LIN28B: variants seen among roughly 807,000 people sequenced by gnomAD.
LIN28B encodes protein lin-28 homolog B.
Under a neutral mutation model 21.9 loss-of-function variants are expected in LIN28B, and 5 were observed. The ratio of observed to expected loss-of-function variants is 0.23; its 90% CI spans 0.12 to 0.48. The LOEUF is 0.48. Among genes scored for constraint, LIN28B ranks in the 20% least tolerant of loss-of-function variants. The probability of loss-of-function intolerance (pLI) is 0.98; values close to 1 mark genes in which losing one functional copy is unlikely to be tolerated. For missense variants in LIN28B, 245 were observed against 310.5 expected, an observed-to-expected ratio of 0.79 and a Z score of 1.58; for synonymous variants, 109 against 111.3, an observed-to-expected ratio of 0.98 and a Z score of 0.13.
intron 2 of LIN28B, among the ~76,000 whole-genome samples, chr6:104,944,483 T>A (rs1306170811): frequency 1.3e-5 from 2 of 152,102 alleles, no homozygotes; most frequent in South Asian, 2.1e-4. Context: ...AAGCTTAAAT[T>A]AGAAATCATT....
At chr6:105,033,784 A>G (rs1159453851) in intron 3 of LIN28B, among the ~76,000 whole-genome samples, 2 of 151,854 alleles carry the variant, frequency 1.3e-5, no homozygotes, top group Non-Finnish European at 2.9e-5. Context: ...TGTTCTCTTT[A>G]AAAACATGAT....
intron 2 of LIN28B, among the ~76,000 whole-genome samples, chr6:104,992,422 C>G (rs1582883651): frequency 6.6e-6 from 1 of 151,026 alleles, no homozygotes; most frequent in East Asian, 1.9e-4. Context: ...TATTTGTTTT[C>G]AAGTTGTTTT....
At chr6:105,037,966 C>T (rs1437172317) in intron 3 of LIN28B, among the ~76,000 whole-genome samples, 1 of 151,928 alleles carries the variant, frequency 6.6e-6, no homozygotes, top group Non-Finnish European at 1.5e-5. Context: ...CTACCTTATA[C>T]CATTTTTAAA....
chr6:104,948,323 C>G (rs1440294958), intron 2 of LIN28B, among the ~76,000 whole-genome samples: 2 of 151,970 alleles, frequency 1.3e-5, no homozygotes, highest in African/African-American at 4.8e-5. Context: ...AAAAATTAGC[C>G]AGGCATGGTC....
rs527827851 is a variant in LIN28B at position 105,035,684 on chromosome 6, A to G, written c.383+9202A>G. Among the ~76,000 whole-genome samples, 9 of 152,342 alleles carry G rather than the reference A, an allele frequency of 5.9e-5. No individual in the cohort carries two copies. The South Asian group carries it at 1.7e-3, about 28-fold the overall frequency. On this transcript the variant is annotated intron_variant, in intron 3 of 3. Transcript: ENST00000345080. The stretch of plus-strand genomic sequence containing the variant: ...TATGGTTTACTTCAAGGTACTATTT[A>G]TATAATAATAAATTTTAGCTGCATA...
Position 104,943,082 on chromosome 6 carries a change from A to G in LIN28B, c.18+5966A>G, listed in dbSNP as rs369414289. On this transcript the variant is annotated intron_variant, in intron 2 of 5. Coordinates refer to the LIN28B transcript ENST00000635857. ...CTAGGTTGTGAGGCGAGGTATGTCA[A>G]TCTTATACTTTGTAAGGGAAGCAAA... is the stretch of plus-strand genomic sequence containing the variant. 2.6e-5 allele frequency among the ~76,000 whole-genome samples: 4 copies of G among 152,312 alleles called. No individual in the cohort carries two copies. The East Asian group carries it at 5.8e-4, about 22-fold the overall frequency.
At chr6:104,945,116 A>C (rs1250848787) in intron 2 of LIN28B, among the ~76,000 whole-genome samples, 3 of 152,154 alleles carry the variant, frequency 2.0e-5, no homozygotes, top group Admixed American at 1.3e-4. Context: ...AAAATATTCT[A>C]GACTGTATAG....
intron 2 of LIN28B, among the ~76,000 whole-genome samples, chr6:105,022,494 C>T (rs570796456): frequency 2.0e-5 from 3 of 152,228 alleles, no homozygotes; most frequent in South Asian, 4.1e-4. Context: ...TGCTAACAGA[C>T]TGAGTAGGGA....
intron 3 of LIN28B, among the ~76,000 whole-genome samples, chr6:105,029,611 C>A (rs995062822): frequency 6.6e-6 from 1 of 151,710 alleles, no homozygotes; most frequent in African/African-American, 2.4e-5. Flanking sequence ...ACAAGAAAGA[C>A]GTATAAAATA....
intron 2 of LIN28B, among the ~76,000 whole-genome samples, chr6:105,023,274 TTATA>T (rs1221744584): frequency 2.2e-5 from 1 of 46,060 alleles, no homozygotes; most frequent in Non-Finnish European, 3.8e-5. Flanking sequence ...TTATTTATTA[TTATA>T]TATATAAATA....
chr6:105,016,580 T>A (rs1056581116), intron 2 of LIN28B, among the ~76,000 whole-genome samples: 2 of 152,160 alleles, frequency 1.3e-5, no homozygotes, highest in African/African-American at 2.4e-5. Context: ...CTCATCTAAG[T>A]GAGAAAAAGT....
chr6:104,942,002 A>G (rs958783557), intron 2 of LIN28B, among the ~76,000 whole-genome samples: 1 of 152,192 alleles, frequency 6.6e-6, no homozygotes, highest in African/African-American at 2.4e-5. Context: ...ACAGAATGAA[A>G]TCTTAGGTGC....
intron 2 of LIN28B, among the ~76,000 whole-genome samples, chr6:104,994,982 A>C (rs1478714413): frequency 1.3e-5 from 2 of 152,176 alleles, no homozygotes; most frequent in Non-Finnish European, 2.9e-5. Context: ...AAGATCCAAA[A>C]ATTTTTGAGC....
At chr6:105,027,110 ATAACACCAC>A (rs1771301535) in intron 3 of LIN28B, among the ~76,000 whole-genome samples, 1 of 152,194 alleles carries the variant, frequency 6.6e-6, no homozygotes, top group Non-Finnish European at 1.5e-5. Flanking sequence ...GAATTGATCA[ATAACACCAC>A]TGTGGGAACT....
At chr6:105,068,827 G>C (rs1772270984) in intron 3 of LIN28B, among the ~76,000 whole-genome samples, 1 of 152,176 alleles carries the variant, frequency 6.6e-6, no homozygotes, top group African/African-American at 2.4e-5. Flanking sequence ...ATGTAGTTTA[G>C]ATATTAGGGT....
intron 2 of LIN28B, among the ~76,000 whole-genome samples, chr6:104,946,033 A>G (rs892113340): frequency 3.9e-5 from 6 of 152,038 alleles, no homozygotes; most frequent in Admixed American, 6.5e-5. Context: ...CAGTGCCAAA[A>G]ATACTACCCT....
intron 3 of LIN28B, among the ~76,000 whole-genome samples, chr6:105,032,422 T>C (rs1428454669): frequency 6.6e-6 from 1 of 152,220 alleles, no homozygotes; most frequent in African/African-American, 2.4e-5. Context: ...GCATTTGGTA[T>C]TGCCAATTTT....
chr6:104,972,024 G>T (rs181139852), intron 2 of LIN28B, among the ~76,000 whole-genome samples: 55 of 152,210 alleles, frequency 3.6e-4, no homozygotes, highest in Admixed American at 7.2e-4. Flanking sequence ...AGGCTGTAGT[G>T]CAGTGGCGCA....
At chr6:105,066,209 G>T (rs188189579) in intron 3 of LIN28B, among the ~76,000 whole-genome samples, 1 of 152,280 alleles carries the variant, frequency 6.6e-6, no homozygotes, top group Admixed American at 6.5e-5. Context: ...GGAAGTGCTA[G>T]TAGTTAGTAG....
Sources: gnomAD v4.1 joint callset for allele counts (sites outside exome capture counted in the v4.1 genomes callset) on GRCh38, gnomAD v4.1.1 for gene constraint, MANE v1.5 for transcripts, NCBI Gene and HGNC (gene_info 2026-07-23, HGNC 2026-07-21) for gene names.